LARGE1: variants seen among roughly 807,000 people sequenced by gnomAD.
LARGE1 encodes the protein xylosyl- and glucuronyltransferase LARGE1.
LARGE1 carries 43 observed loss-of-function variants against 87.6 expected under a neutral mutation model. The ratio of observed to expected loss-of-function variants is 0.49; its 90% CI spans 0.38 to 0.63. The LOEUF is 0.63. LARGE1 is among the 30% of genes least tolerant of loss of function. The pLI is 0.00. For missense variants in LARGE1, 802 were observed against 1,000.2 expected, an observed-to-expected ratio of 0.80 and a Z score of 2.67; for synonymous variants, 434 against 394.6, an observed-to-expected ratio of 1.10 and a Z score of -1.18.
rs564986248 is a variant in LARGE1, at chr22:33,196,843, T to A, written c.1731-30011A>T. Among the ~76,000 whole-genome samples, 5 of 152,206 alleles carry A rather than the reference T, an allele frequency of 3.3e-5. No individual in the cohort carries two copies. The South Asian group carries it at 1.0e-3, about 32-fold the overall frequency. Reference sequence around the variant, plus strand: ...AAGAGAAAAGAGAATTACAGGCCACTATGCCTCATGGCTTTACACTCAAAA... The same window carrying A: ...AAGAGAAAAGAGAATTACAGGCCACAATGCCTCATGGCTTTACACTCAAAA... On this transcript the variant is annotated intron_variant, in intron 11 of 11. Coordinates refer to the LARGE1 transcript ENST00000608642.
At chr22:33,709,628 CTTT>C (rs1361106062) in intron 2 of LARGE1, among the ~76,000 whole-genome samples, 1 of 139,278 alleles carries the variant, frequency 7.2e-6, no homozygotes, top group Non-Finnish European at 1.6e-5. Flanking sequence ...TTCTTTAATT[CTTT>C]TTTTTTTTTT....
intron 9 of LARGE1, among the ~76,000 whole-genome samples, chr22:33,342,973 T>G (rs1939328960): frequency 6.6e-6 from 1 of 152,242 alleles, no homozygotes; most frequent in African/African-American, 2.4e-5. Flanking sequence ...TGCTAGGATC[T>G]AAATAAATAA....
intron 7 of LARGE1, among the ~76,000 whole-genome samples, chr22:33,406,677 G>T (rs1254173344): frequency 1.3e-5 from 2 of 152,212 alleles, no homozygotes; most frequent in Non-Finnish European, 2.9e-5. Flanking sequence ...CATGCCCAGG[G>T]CTGTGTGGTG....
In LARGE1 at chr22:33,254,935, A is replaced by ATT. The variant is rs11363318; in HGVS notation, c.1730+49292_1730+49293dup. Reference sequence around the variant, plus strand: ...CCAGCTCTGCATGGTCTACCTGTAGATTTTTTTTTTTTTTTTTTTTGAGAC... The same window carrying ATT: ...CCAGCTCTGCATGGTCTACCTGTAGATTTTTTTTTTTTTTTTTTTTTTGAGAC... On this transcript the variant is annotated intron_variant, in intron 11 of 11. Coordinates refer to the LARGE1 transcript ENST00000608642. 4.4e-3 allele frequency among the ~76,000 whole-genome samples: 570 copies of ATT among 128,254 alleles called. 10 individuals carry two copies. The highest frequency in any genetic ancestry group is 0.016 in the African/African-American group (519 of 31,676). The allele number at this position is 128,254 out of a possible 152,430, so 84.1% of individuals were successfully genotyped here. A position where few individuals can be genotyped will look rare whatever the true frequency, so the allele number is the denominator to read the frequency against.
intron 13 of LARGE1, among the ~76,000 whole-genome samples, chr22:33,278,493 A>C (rs76913609): frequency 0.046 from 7,002 of 152,204 alleles, 220 homozygotes; most frequent in Middle Eastern, 0.088. Context: ...CCACAATAAG[A>C]AGCAGCTAAT....
intron 6 of LARGE1, among the ~76,000 whole-genome samples, chr22:33,439,261 A>C (rs1352673874): frequency 6.7e-6 from 1 of 150,202 alleles, no homozygotes; most frequent in Non-Finnish European, 1.5e-5. Context: ...GGCTCATGGG[A>C]GATGCTCAAC....
At chr22:33,229,636 C>T (rs1293424148) in intron 11 of LARGE1, among the ~76,000 whole-genome samples, 1 of 151,756 alleles carries the variant, frequency 6.6e-6, no homozygotes, top group Non-Finnish European at 1.5e-5. Flanking sequence ...AAAATAATAA[C>T]ATAAGAAGGT....
downstream of LARGE1, among the ~76,000 whole-genome samples, chr22:33,272,163 G>A (rs1260790213): frequency 6.6e-6 from 1 of 152,188 alleles, no homozygotes; most frequent in Non-Finnish European, 1.5e-5. Flanking sequence ...TAACATTGAG[G>A]AACCAGTGCT....
At chr22:33,542,663 C>T (rs189646185) in intron 6 of LARGE1, among the ~76,000 whole-genome samples, 121 of 151,254 alleles carry the variant, frequency 8.0e-4, no homozygotes, top group Non-Finnish European at 1.5e-3. Context: ...AAGAGAGGTA[C>T]CAAAGATGCC....
intron 6 of LARGE1, among the ~76,000 whole-genome samples, chr22:33,527,028 G>A (rs906162484): frequency 6.6e-6 from 1 of 152,178 alleles, no homozygotes; most frequent in Non-Finnish European, 1.5e-5. Flanking sequence ...AGGCCGAGGC[G>A]GGTGGATCAC....
At chr22:33,574,664 G>A (rs1368511122) in intron 5 of LARGE1, among the ~76,000 whole-genome samples, 4 of 149,122 alleles carry the variant, frequency 2.7e-5, no homozygotes, top group South Asian at 2.2e-4. Context: ...ATAGGACAAC[G>A]AAGGCACAGA....
intron 1 of LARGE1, among the ~76,000 whole-genome samples, chr22:33,872,336 A>G (rs552591573): frequency 1.5e-4 from 22 of 150,040 alleles, no homozygotes; most frequent in African/African-American, 5.2e-4. Context: ...CATGGCACAG[A>G]GCAGACACGC....
chr22:33,868,917 A>G (rs1382179657), intron 1 of LARGE1, among the ~76,000 whole-genome samples: 3 of 152,186 alleles, frequency 2.0e-5, no homozygotes, highest in Non-Finnish European at 4.4e-5. Flanking sequence ...GGCAGCCACT[A>G]GTACTTCAAC....
chr22:33,832,458 G>A (rs561878722), intron 1 of LARGE1, among the ~76,000 whole-genome samples: 2 of 152,020 alleles, frequency 1.3e-5, no homozygotes, highest in Non-Finnish European at 2.9e-5. Flanking sequence ...CACACTGTCA[G>A]TGTTAAGGGA....
chr22:33,728,469 G>T (rs1475064661), intron 2 of LARGE1, among the ~76,000 whole-genome samples: 1 of 149,414 alleles, frequency 6.7e-6, no homozygotes, highest in African/African-American at 2.5e-5. Flanking sequence ...AACCTGGGAG[G>T]CAGAGGCTGC....
intron 9 of LARGE1, among the ~76,000 whole-genome samples, chr22:33,363,256 G>A (rs991902944): frequency 4.0e-5 from 6 of 149,698 alleles, no homozygotes; most frequent in South Asian, 2.2e-4. Context: ...CCGTTTTCAC[G>A]CTGCTGATAA....
intron 5 of LARGE1, among the ~76,000 whole-genome samples, chr22:33,567,746 C>A (rs565889573): frequency 6.6e-6 from 1 of 152,246 alleles, no homozygotes; most frequent in East Asian, 1.9e-4. Context: ...CAATTTCTCA[C>A]CCCTCACACA....
At chr22:33,896,590 A>C (rs1012504520) in intron 1 of LARGE1, among the ~76,000 whole-genome samples, 2 of 152,208 alleles carry the variant, frequency 1.3e-5, no homozygotes, top group Non-Finnish European at 2.9e-5. Context: ...ACTGAGAGCA[A>C]CGTCCTATTG....
At chr22:33,441,882 GC>G (rs2067493297) in intron 6 of LARGE1, among the ~76,000 whole-genome samples, 1 of 152,168 alleles carries the variant, frequency 6.6e-6, no homozygotes, top group Admixed American at 6.5e-5. Context: ...TCCTTCAGAT[GC>G]GATCTATGTA....
Sources: gnomAD v4.1 joint callset for allele counts (sites outside exome capture counted in the v4.1 genomes callset) on GRCh38, gnomAD v4.1.1 for gene constraint, MANE v1.5 for transcripts, NCBI Gene and HGNC (gene_info 2026-07-23, HGNC 2026-07-21) for gene names.